Variants in KHDRBS2 observed in about 807,000 individuals in gnomAD.
KHDRBS2 encodes the protein KH RNA binding domain containing, signal transduction associated 2.
In KHDRBS2, 26 loss-of-function variants were observed where a neutral mutation model predicts 44.3. That is an observed-to-expected ratio of 0.59 (90% CI 0.43 to 0.81). The LOEUF (loss-of-function observed/expected upper bound fraction) is 0.81, where lower values mean the gene tolerates loss of function less well. Among genes scored for constraint, KHDRBS2 ranks in the 40% least tolerant of loss-of-function variants. The pLI is 0.00. For missense variants in KHDRBS2, 476 were observed against 433.1 expected (o/e 1.10, Z -0.88); for synonymous variants, 194 against 151.1 (o/e 1.28, Z -2.08).
chr6:62,043,587 T>C (rs1787026479), intron 3 of KHDRBS2, among the ~76,000 whole-genome samples: 1 of 152,054 alleles, frequency 6.6e-6, no homozygotes, highest in Non-Finnish European at 1.5e-5. Context: ...CATGACTATA[T>C]GGTAGGATTT....
At chr6:61,601,012 G>T in the KHDRBS2 span, among the ~76,000 whole-genome samples, 3 of 152,174 alleles carry the variant, frequency 2.0e-5, no homozygotes, top group Admixed American at 6.5e-5. Flanking sequence ...AGGGACGTCT[G>T]CCTGATTATT....
intron 7 of KHDRBS2, among the ~76,000 whole-genome samples, chr6:61,707,737 A>G (rs1350087710): frequency 1.3e-5 from 2 of 151,692 alleles, no homozygotes; most frequent in Non-Finnish European, 3.0e-5. Flanking sequence ...GTGAAGTTAT[A>G]TACTATTTAT....
At chr6:62,002,937 C>T (rs1778525082) in intron 3 of KHDRBS2, among the ~76,000 whole-genome samples, 1 of 151,856 alleles carries the variant, frequency 6.6e-6, no homozygotes, top group African/African-American at 2.4e-5. Context: ...TTTCATAATT[C>T]TTCCATTTTA....
At chr6:61,735,731 G>T (rs1775221180) in intron 6 of KHDRBS2, among the ~76,000 whole-genome samples, 1 of 151,894 alleles carries the variant, frequency 6.6e-6, no homozygotes, top group Non-Finnish European at 1.5e-5. Flanking sequence ...ATGTGATATT[G>T]TATTGTACAT....
chr6:61,554,992 G>A, the KHDRBS2 span, among the ~76,000 whole-genome samples: 61 of 152,022 alleles, frequency 4.0e-4, no homozygotes, highest in African/African-American at 1.4e-3. Context: ...TGTCCTGGAG[G>A]TGGTCTTCTT....
the KHDRBS2 span, among the ~76,000 whole-genome samples, chr6:61,615,388 T>G: frequency 9.8e-5 from 15 of 152,294 alleles, no homozygotes; most frequent in East Asian, 2.7e-3. Context: ...AGCAAAGTGC[T>G]GAACCTTTTC....
chr6:61,836,532 T>A (rs1441401402), intron 6 of KHDRBS2, among the ~76,000 whole-genome samples: 1 of 152,010 alleles, frequency 6.6e-6, no homozygotes, highest in Non-Finnish European at 1.5e-5. Context: ...ATGCTTCCAA[T>A]AAATAAGAAA....
chr6:61,562,975 T>C, the KHDRBS2 span, among the ~76,000 whole-genome samples: 1 of 152,164 alleles, frequency 6.6e-6, no homozygotes, highest in Non-Finnish European at 1.5e-5. Flanking sequence ...TTTTGCATTT[T>C]AGTGGATTAC....
chr6:62,136,382 C>A (rs1379676744), intron 2 of KHDRBS2, among the ~76,000 whole-genome samples: 1 of 152,088 alleles, frequency 6.6e-6, no homozygotes, highest in Admixed American at 6.5e-5. Flanking sequence ...TAGCTGAACA[C>A]GAGGCAGTTT....
chr6:61,843,560 T>C (rs1455343036), intron 6 of KHDRBS2, among the ~76,000 whole-genome samples: 1 of 151,702 alleles, frequency 6.6e-6, no homozygotes, highest in Non-Finnish European at 1.5e-5. Context: ...AGAGACGGGG[T>C]TGCCATGTTG....
chr6:61,840,177 T>A (rs1419135300), intron 6 of KHDRBS2, among the ~76,000 whole-genome samples: 1 of 152,104 alleles, frequency 6.6e-6, no homozygotes, highest in Non-Finnish European at 1.5e-5. Context: ...GGATTCACAC[T>A]GTAAACTGAT....
At chr6:61,549,779 G>A in the KHDRBS2 span, among the ~76,000 whole-genome samples, 1 of 152,028 alleles carries the variant, frequency 6.6e-6, no homozygotes, top group African/African-American at 2.4e-5. Flanking sequence ...CACAAAAATT[G>A]GGATAGTTTT....
At chr6:61,723,800 C>T (rs2127556968) in intron 7 of KHDRBS2, among the ~76,000 whole-genome samples, 1 of 152,120 alleles carries the variant, frequency 6.6e-6, no homozygotes, top group East Asian at 1.9e-4. Context: ...ATGAACAATA[C>T]CTCTGATTAA....
the KHDRBS2 span, among the ~76,000 whole-genome samples, chr6:61,573,548 T>C: frequency 1.2e-4 from 18 of 152,118 alleles, no homozygotes; most frequent in Admixed American, 1.2e-3. Context: ...CCAACACTTT[T>C]GGAGGCCAAG....
At chr6:61,651,231 A>T in the KHDRBS2 span, among the ~76,000 whole-genome samples, 1 of 152,114 alleles carries the variant, frequency 6.6e-6, no homozygotes, top group African/African-American at 2.4e-5. Context: ...TCCTTATTTG[A>T]AATGCATGGG....
At chr6:61,577,866 C>G in the KHDRBS2 span, among the ~76,000 whole-genome samples, 1 of 152,046 alleles carries the variant, frequency 6.6e-6, no homozygotes, top group African/African-American at 2.4e-5. Context: ...ATTTTAGTTA[C>G]GGAATGAGAG....
At chr6:61,700,226 A>G (rs745431130) in intron 7 of KHDRBS2, among the ~76,000 whole-genome samples, 1 of 151,826 alleles carries the variant, frequency 6.6e-6, no homozygotes, top group Non-Finnish European at 1.5e-5. Flanking sequence ...AAAGTGTGCT[A>G]TGTAGCACTA....
chr6:61,835,398 T>A (rs1792486469), intron 6 of KHDRBS2, among the ~76,000 whole-genome samples: 1 of 152,056 alleles, frequency 6.6e-6, no homozygotes. Context: ...TGTTGTGTGA[T>A]CCCTGGATAC....
chr6:62,102,716 G>A (rs1015773208), intron 2 of KHDRBS2, among the ~76,000 whole-genome samples: 3 of 152,178 alleles, frequency 2.0e-5, no homozygotes, highest in African/African-American at 7.2e-5. Context: ...TAGTGTTATA[G>A]CAACTCTGGC....
Sources: gnomAD v4.1 joint callset for allele counts (sites outside exome capture counted in the v4.1 genomes callset) on GRCh38, gnomAD v4.1.1 for gene constraint, MANE v1.5 for transcripts, NCBI Gene and HGNC (gene_info 2026-07-23, HGNC 2026-07-21) for gene names.